Variants in FHOD3 observed in about 807,000 individuals in gnomAD.
FHOD3 encodes the protein formin homology 2 domain containing 3, also known as FH1/FH2 domain-containing protein 3.
FHOD3 carries 90 observed loss-of-function variants against 173.0 expected under a neutral mutation model. The ratio of observed to expected loss-of-function variants is 0.52; its 90% CI spans 0.44 to 0.62. FHOD3 has a LOEUF of 0.62. FHOD3 is among the 20% of genes least tolerant of loss of function. The probability of loss-of-function intolerance (pLI) is 0.00; values close to 1 mark genes in which losing one functional copy is unlikely to be tolerated. For synonymous variants in FHOD3, 828 were observed against 823.0 expected (o/e 1.01, Z -0.10); for missense variants, 1,945 against 2,034.7 (o/e 0.96, Z 0.85).
At chr18:36,379,457 T>C (rs2047625732) in intron 3 of FHOD3, among the ~76,000 whole-genome samples, 1 of 152,202 alleles carries the variant, frequency 6.6e-6, no homozygotes, top group Non-Finnish European at 1.5e-5. Context: ...TGTTGGATAA[T>C]GGAATTTGGA....
chr18:36,517,134 G>A (rs969331920), intron 5 of FHOD3, among the ~76,000 whole-genome samples: 3 of 152,162 alleles, frequency 2.0e-5, no homozygotes, highest in African/African-American at 4.8e-5. Flanking sequence ...ACTGTACAAC[G>A]TGGAGGAATA....
At chr18:36,617,250 A>G (rs2033279911) in intron 9 of FHOD3, among the ~76,000 whole-genome samples, 1 of 152,200 alleles carries the variant, frequency 6.6e-6, no homozygotes, top group South Asian at 2.1e-4. Flanking sequence ...TTCCCCAGAA[A>G]CATCTTTCTT....
At chr18:36,398,625 G>A (rs1367698295) in intron 3 of FHOD3, among the ~76,000 whole-genome samples, 1 of 152,164 alleles carries the variant, frequency 6.6e-6, no homozygotes, top group Non-Finnish European at 1.5e-5. Context: ...AACAAGCCAG[G>A]GCAGGTGGGT....
rs751605295 is a variant in FHOD3 at position 36,297,818 on chromosome 18, C to G, written c.-18C>G. The G allele has an allele frequency of 1.3e-4, 190 of 1,498,754 alleles. No individual in the cohort carries two copies. Among genetic ancestry groups the G allele is most frequent in the Non-Finnish European group, 1.6e-4 (183 of 1,122,892 alleles). 92.8% of individuals were successfully genotyped at this position (1,498,754 alleles called of 1,614,324 possible). On this transcript the variant is annotated 5_prime_UTR_variant, in exon 1 of 29. Transcript: ENST00000590592. ...CCCGCTAACCCCGGGGCCCGCGCCC[C>G]CGCGGCAGGGATGCATCATGGCCAC... is the stretch of plus-strand genomic sequence containing the variant.
At chr18:36,630,399 C>T (rs911133606) in intron 10 of FHOD3, among the ~76,000 whole-genome samples, 2 of 152,140 alleles carry the variant, frequency 1.3e-5, no homozygotes, top group Non-Finnish European at 2.9e-5. Context: ...GTCCGTTTAG[C>T]AAAGTTTCAC....
At chr18:36,572,804 A>G (rs1239396427) in intron 5 of FHOD3, among the ~76,000 whole-genome samples, 6 of 152,168 alleles carry the variant, frequency 3.9e-5, no homozygotes, top group African/African-American at 1.2e-4. Flanking sequence ...CCAGAAGGCT[A>G]AAGAGTCTAC....
At chr18:36,621,643 A>G (rs575061745) in intron 9 of FHOD3, among the ~76,000 whole-genome samples, 1 of 152,330 alleles carries the variant, frequency 6.6e-6, no homozygotes, top group Admixed American at 6.5e-5. Context: ...TTCTGTGTGC[A>G]TCATGTTTGT....
intron 3 of FHOD3, among the ~76,000 whole-genome samples, chr18:36,467,479 C>A (rs1396924842): frequency 1.3e-5 from 2 of 152,128 alleles, no homozygotes; most frequent in Non-Finnish European, 2.9e-5. Flanking sequence ...TCCCCTTCTT[C>A]CCTTCCAGGG....
At position 36,767,291 on chromosome 18, in the gene FHOD3, T is replaced by A. The variant is rs118063911; in HGVS notation, c.4625-1974T>A. 7.3e-3 allele frequency among the ~76,000 whole-genome samples: 1,101 copies of A among 150,544 alleles called. 7 individuals are homozygous for A. Among genetic ancestry groups the A allele is most frequent in the Non-Finnish European group, 0.012 (828 of 67,770 alleles). ...TGTAGGTATGCTATCATTTAAAAAA[T>A]AAAAGCTAAGCAAAACCAAAAAAAA... is the stretch of plus-strand genomic sequence containing the variant. On this transcript the variant is annotated intron_variant, in intron 27 of 28. Transcript: ENST00000590592.
chr18:36,640,348 A>G (rs962295948), intron 10 of FHOD3, among the ~76,000 whole-genome samples: 17 of 152,224 alleles, frequency 1.1e-4, no homozygotes, highest in African/African-American at 3.6e-4. Context: ...CACTGATTCA[A>G]GTTGGCCAGA....
intron 3 of FHOD3, among the ~76,000 whole-genome samples, chr18:36,446,028 C>A (rs1158425975): frequency 6.6e-6 from 1 of 152,200 alleles, no homozygotes; most frequent in African/African-American, 2.4e-5. Flanking sequence ...TTCCCTGGCC[C>A]CTGTCCTGGG....
chr18:36,433,168 G>T (rs2050640603), intron 3 of FHOD3, among the ~76,000 whole-genome samples: 1 of 152,262 alleles, frequency 6.6e-6, no homozygotes, highest in Middle Eastern at 3.4e-3. Context: ...TTCCCTCATT[G>T]TTGTCACATA....
At chr18:36,370,268 A>G (rs1195876470) in intron 2 of FHOD3, among the ~76,000 whole-genome samples, 1 of 152,192 alleles carries the variant, frequency 6.6e-6, no homozygotes, top group Admixed American at 6.5e-5. Context: ...AAGATAAGGT[A>G]GGAGCTAGAA....
intron 3 of FHOD3, among the ~76,000 whole-genome samples, chr18:36,469,815 A>T (rs2145080665): frequency 7.0e-6 from 1 of 143,428 alleles, no homozygotes; most frequent in East Asian, 2.4e-4. Context: ...TTGGAGGGTT[A>T]AGGGGGTGGC....
chr18:36,355,730 A>C (rs2046328385), intron 2 of FHOD3, 85 bp downstream of exon 2: 1 of 1,087,416 alleles, frequency 9.2e-7, no homozygotes, highest in South Asian at 1.4e-5. Flanking sequence ...TTTAGGAGGA[A>C]CTACCATGGC....
intron 9 of FHOD3, among the ~76,000 whole-genome samples, chr18:36,613,738 A>G (rs1164249155): frequency 1.3e-5 from 2 of 152,058 alleles, no homozygotes; most frequent in Non-Finnish European, 2.9e-5. Flanking sequence ...TGGTGGCGCG[A>G]TCTCGGCTCA....
intron 9 of FHOD3, among the ~76,000 whole-genome samples, chr18:36,621,880 T>G (rs529938186): frequency 6.6e-6 from 1 of 152,238 alleles, no homozygotes; most frequent in Non-Finnish European, 1.5e-5. Flanking sequence ...TGGAGAAATA[T>G]TGGTACTCCC....
intron 19 of FHOD3, among the ~76,000 whole-genome samples, chr18:36,729,916 A>G (rs2041268116): frequency 6.6e-6 from 1 of 152,178 alleles, no homozygotes; most frequent in South Asian, 2.1e-4. Flanking sequence ...AGCCACACAT[A>G]AAAGGGCTTT....
intron 27 of FHOD3, among the ~76,000 whole-genome samples, chr18:36,762,687 TG>T (rs996210439): frequency 9.2e-5 from 14 of 151,916 alleles, no homozygotes; most frequent in African/African-American, 3.4e-4. Flanking sequence ...TCCTAGCTAC[TG>T]GGGAGGCTGA....
Sources: allele counts gnomAD v4.1 joint callset (sites outside exome capture counted in the v4.1 genomes callset), GRCh38; gene constraint gnomAD v4.1.1; transcripts MANE v1.5; gene names NCBI Gene and HGNC (gene_info 2026-07-23, HGNC 2026-07-21).